CLIC5: variants seen among roughly 807,000 people sequenced by gnomAD.
The protein encoded by CLIC5 is CLIC family member 5.
In CLIC5, 20 loss-of-function variants were observed where a neutral mutation model predicts 24.7. The observed-to-expected ratio is 0.81, with a 90% CI of 0.57 to 1.18. The LOEUF (loss-of-function observed/expected upper bound fraction) is 1.18, where lower values mean the gene tolerates loss of function less well. Among genes scored for constraint, CLIC5 ranks in the 50% most tolerant of loss-of-function variants. CLIC5 has a pLI of 0.00. For synonymous variants in CLIC5, 159 were observed against 135.6 expected, an observed-to-expected ratio of 1.17 and a Z score of -1.20; for missense variants, 341 against 326.1, an observed-to-expected ratio of 1.05 and a Z score of -0.35.
At chr6:46,094,395 C>A in the CLIC5 span, among the ~76,000 whole-genome samples, 1 of 152,170 alleles carries the variant, frequency 6.6e-6, no homozygotes, top group Admixed American at 6.5e-5. Context: ...CAAGGGTAGT[C>A]CCTTCCACCT....
intron 3 of CLIC5, among the ~76,000 whole-genome samples, chr6:45,942,184 C>T (rs949354170): frequency 6.6e-6 from 1 of 152,224 alleles, no homozygotes; most frequent in African/African-American, 2.4e-5. Flanking sequence ...AATGCCCTTA[C>T]ATGCTTATTA....
rs1388852411 is a variant in CLIC5, at chr6:46,080,015, T to C, written c.228A>G (p.Ser76=). The change falls in exon 1 of 6, where the codon TCA becomes TCG. Residue 76 remains serine (S), a synonymous_variant. Coordinates refer to the CLIC5 transcript ENST00000185206. The stretch of plus-strand genomic sequence containing the variant: ...CAGGCAGGAGGTAGCCTCTGTCTTC[T>C]GACTGGACAGAGGCCAAGCTGGTCT... 1 of 1,551,736 alleles carries C rather than the reference T, an allele frequency of 6.4e-7. No homozygotes were observed. The highest frequency in any genetic ancestry group is 2.0e-5 in the Admixed American group (1 of 51,000).
chr6:45,938,939 G>A (rs148802662), intron 4 of CLIC5, among the ~76,000 whole-genome samples: 259 of 152,238 alleles, frequency 1.7e-3, no homozygotes, highest in African/African-American at 5.7e-3. Flanking sequence ...GTCCTCAGCC[G>A]GGAAAGCAGC....
At chr6:46,071,010 AC>A (rs1762580922) in intron 1 of CLIC5, among the ~76,000 whole-genome samples, 1 of 152,220 alleles carries the variant, frequency 6.6e-6, no homozygotes, top group Admixed American at 6.5e-5. Context: ...TGCTGGGATA[AC>A]TGTCTAGCCA....
chr6:45,940,913 G>T (rs112455516), intron 4 of CLIC5, among the ~76,000 whole-genome samples: 80 of 152,302 alleles, frequency 5.3e-4, no homozygotes, highest in Middle Eastern at 3.4e-3. Flanking sequence ...GAGCATAACT[G>T]GGGGGGACTC....
At chr6:45,929,068 C>G (rs1048564033) in intron 4 of CLIC5, among the ~76,000 whole-genome samples, 1 of 152,128 alleles carries the variant, frequency 6.6e-6, no homozygotes, top group Non-Finnish European at 1.5e-5. Flanking sequence ...GGAGCCCACA[C>G]AGCAAAATTC....
intron 1 of CLIC5, among the ~76,000 whole-genome samples, chr6:46,043,118 A>G (rs1442270096): frequency 2.0e-5 from 3 of 152,190 alleles, no homozygotes; most frequent in Non-Finnish European, 2.9e-5. Flanking sequence ...TTGCGTCATT[A>G]GCACCAACAG....
upstream of CLIC5, among the ~76,000 whole-genome samples, chr6:46,016,353 A>G (rs1767009272): frequency 6.6e-6 from 1 of 151,752 alleles, no homozygotes; most frequent in Non-Finnish European, 1.5e-5. Flanking sequence ...GATGCTCAGA[A>G]CCCCCACCAA....
the CLIC5 span, among the ~76,000 whole-genome samples, chr6:46,085,645 A>G: frequency 2.6e-5 from 4 of 152,212 alleles, no homozygotes; most frequent in Non-Finnish European, 5.9e-5. Context: ...GTTTTGTCTC[A>G]GAGGAGTACC....
chr6:46,118,091 A>T, the CLIC5 span, among the ~76,000 whole-genome samples: 2 of 152,216 alleles, frequency 1.3e-5, no homozygotes, highest in African/African-American at 4.8e-5. Flanking sequence ...CACTGGCCAC[A>T]GCCTGCCCAG....
At chr6:45,966,837 A>G (rs1035959761) in intron 1 of CLIC5, among the ~76,000 whole-genome samples, 1 of 151,824 alleles carries the variant, frequency 6.6e-6, no homozygotes, top group African/African-American at 2.4e-5. Flanking sequence ...TGTCTGAAGA[A>G]CCTCAAGTCA....
chr6:45,933,397 T>C (rs1448277766), intron 4 of CLIC5, among the ~76,000 whole-genome samples: 1 of 152,200 alleles, frequency 6.6e-6, no homozygotes, highest in Non-Finnish European at 1.5e-5. Flanking sequence ...CAATTTCTTA[T>C]AATTTGATTA....
intron 1 of CLIC5, among the ~76,000 whole-genome samples, chr6:45,987,794 G>A (rs1340420134): frequency 1.3e-5 from 2 of 152,076 alleles, no homozygotes; most frequent in Non-Finnish European, 2.9e-5. Context: ...AATCCTATTG[G>A]ATTAGGGCTA....
intron 1 of CLIC5, among the ~76,000 whole-genome samples, chr6:45,979,464 G>A (rs1401844330): frequency 6.6e-6 from 1 of 152,178 alleles, no homozygotes; most frequent in Non-Finnish European, 1.5e-5. Flanking sequence ...CTGTCTCTGG[G>A]AAGTGACATT....
intron 1 of CLIC5, among the ~76,000 whole-genome samples, chr6:45,974,966 C>A (rs903313516): frequency 6.6e-6 from 1 of 152,102 alleles, no homozygotes; most frequent in Non-Finnish European, 1.5e-5. Context: ...AAAGAACTTA[C>A]AGTTTTCAGA....
intron 1 of CLIC5, among the ~76,000 whole-genome samples, chr6:46,048,637 T>C (rs1768020548): frequency 6.6e-6 from 1 of 152,046 alleles, no homozygotes. Context: ...CCAGCTCCAT[T>C]ACTAGTCCAG....
intron 1 of CLIC5, among the ~76,000 whole-genome samples, chr6:46,042,439 G>GA: frequency 6.6e-6 from 1 of 151,968 alleles, no homozygotes; most frequent in East Asian, 1.9e-4. Flanking sequence ...CTTCAAGATA[G>GA]AAACAAGACT....
chr6:45,898,117 G>C (rs182951108), downstream of CLIC5, among the ~76,000 whole-genome samples: 2 of 152,060 alleles, frequency 1.3e-5, no homozygotes, highest in African/African-American at 2.4e-5. Flanking sequence ...GTGTCACTCA[G>C]GCTGGAGTGC....
At chr6:46,044,581 C>T (rs139661604) in intron 1 of CLIC5, among the ~76,000 whole-genome samples, 3 of 152,258 alleles carry the variant, frequency 2.0e-5, no homozygotes, top group African/African-American at 4.8e-5. Context: ...TGATCTTTTG[C>T]TTCACATCTG....
Sources: allele counts gnomAD v4.1 joint callset (sites outside exome capture counted in the v4.1 genomes callset), GRCh38; gene constraint gnomAD v4.1.1; transcripts MANE v1.5; gene names NCBI Gene and HGNC (gene_info 2026-07-23, HGNC 2026-07-21).